Variants in AFG2A observed in about 807,000 individuals in gnomAD.
AFG2A encodes the protein ATPase family gene 2 protein homolog A.
chr4:123,300,240 G>T, the AFG2A span, among the ~76,000 whole-genome samples: 1 of 152,134 alleles, frequency 6.6e-6, no homozygotes, highest in Non-Finnish European at 1.5e-5. Flanking sequence ...GGGTATTTTG[G>T]TTAAGGTTTT....
At chr4:123,118,202 C>A in the AFG2A span, among the ~76,000 whole-genome samples, 4 of 149,616 alleles carry the variant, frequency 2.7e-5, no homozygotes, top group Non-Finnish European at 4.5e-5. Flanking sequence ...CCCAACCTTT[C>A]CACCTTACTT....
At chr4:123,122,669 T>G in the AFG2A span, among the ~76,000 whole-genome samples, 2 of 152,180 alleles carry the variant, frequency 1.3e-5, no homozygotes, top group African/African-American at 4.8e-5. Context: ...GACAGTGTAT[T>G]GATAAACTGT....
At chr4:123,256,751 G>A in the AFG2A span, 6 of 985,244 alleles carry the variant, frequency 6.1e-6, no homozygotes, top group Non-Finnish European at 7.2e-6. Context: ...CTCTTGACAA[G>A]AACAGCAAGA....
chr4:123,041,175 A>G, the AFG2A span, among the ~76,000 whole-genome samples: 1 of 151,644 alleles, frequency 6.6e-6, no homozygotes, highest in East Asian at 1.9e-4. Flanking sequence ...CAGTGGTGCA[A>G]TCTCAGCTCA....
At chr4:123,309,773 G>C in the AFG2A span, among the ~76,000 whole-genome samples, 2 of 152,196 alleles carry the variant, frequency 1.3e-5, no homozygotes, top group African/African-American at 4.8e-5. Flanking sequence ...TGTTCAACCA[G>C]TAAGTAGAAT....
chr4:123,277,128 C>T, the AFG2A span, among the ~76,000 whole-genome samples: 1 of 151,932 alleles, frequency 6.6e-6, no homozygotes, highest in Non-Finnish European at 1.5e-5. Context: ...GGAATGTTTT[C>T]TATTTTTGTG....
the AFG2A span, among the ~76,000 whole-genome samples, chr4:122,981,486 G>T: frequency 7.1e-6 from 1 of 140,394 alleles, no homozygotes. Context: ...TTTTGCTTGA[G>T]ATTACTTTGA....
the AFG2A span, among the ~76,000 whole-genome samples, chr4:123,180,190 A>C: frequency 6.6e-6 from 1 of 152,214 alleles, no homozygotes; most frequent in Admixed American, 6.5e-5. Flanking sequence ...ACTGCACTCC[A>C]GCCTGGGCGA....
the AFG2A span, among the ~76,000 whole-genome samples, chr4:123,024,227 C>CAAAAAAAAAAAAAAA: frequency 8.1e-6 from 1 of 123,666 alleles, no homozygotes. Context: ...AGACTATAAG[C>CAAAAAAAAAAAAAAA]AAAAAAAAAA....
At chr4:123,181,733 C>A in the AFG2A span, among the ~76,000 whole-genome samples, 1 of 152,158 alleles carries the variant, frequency 6.6e-6, no homozygotes, top group Non-Finnish European at 1.5e-5. Flanking sequence ...TCAAGTTCTG[C>A]CCCAAACTAA....
chr4:122,978,469 G>A, the AFG2A span, among the ~76,000 whole-genome samples: 1 of 152,324 alleles, frequency 6.6e-6, no homozygotes, highest in South Asian at 2.1e-4. Context: ...GTCCATGGGT[G>A]GCCATGGGCA....
the AFG2A span, among the ~76,000 whole-genome samples, chr4:123,097,806 C>T: frequency 3.3e-5 from 5 of 152,146 alleles, no homozygotes; most frequent in African/African-American, 9.7e-5. Context: ...AAGATAAAGA[C>T]GCTTTATCTC....
At chr4:123,071,530 G>T in the AFG2A span, among the ~76,000 whole-genome samples, 3 of 151,632 alleles carry the variant, frequency 2.0e-5, no homozygotes, top group Admixed American at 2.0e-4. Flanking sequence ...TTCTGTGTTT[G>T]AATCAAAACT....
chr4:123,305,341 C>T, the AFG2A span, among the ~76,000 whole-genome samples: 612 of 152,306 alleles, frequency 4.0e-3, 3 homozygotes, highest in Non-Finnish European at 5.7e-3. Flanking sequence ...TCCCCTACTC[C>T]TCAGGCGCAC....
chr4:123,236,841 G>A, the AFG2A span, among the ~76,000 whole-genome samples: 2 of 152,218 alleles, frequency 1.3e-5, no homozygotes, highest in African/African-American at 2.4e-5. Flanking sequence ...TGGGGAACAA[G>A]ATTCTTCTAG....
the AFG2A span, among the ~76,000 whole-genome samples, chr4:123,024,665 G>A: frequency 6.6e-6 from 1 of 152,216 alleles, no homozygotes; most frequent in Non-Finnish European, 1.5e-5. Flanking sequence ...TCTGGCTTTA[G>A]CCTTAACCCC....
At chr4:123,225,567 T>C in the AFG2A span, among the ~76,000 whole-genome samples, 2 of 152,220 alleles carry the variant, frequency 1.3e-5, no homozygotes, top group African/African-American at 4.8e-5. Flanking sequence ...TCCATTGGTC[T>C]ATATCTCTGT....
At chr4:123,011,139 G>C in the AFG2A span, among the ~76,000 whole-genome samples, 3 of 152,132 alleles carry the variant, frequency 2.0e-5, no homozygotes, top group Non-Finnish European at 4.4e-5. Context: ...TCTTCCCCAT[G>C]GGGGAGCTTA....
At chr4:123,313,169 C>T in the AFG2A span, among the ~76,000 whole-genome samples, 1 of 152,174 alleles carries the variant, frequency 6.6e-6, no homozygotes, top group Non-Finnish European at 1.5e-5. Flanking sequence ...AACCTTCCTC[C>T]CCTTCCGTTT....
Sources: allele counts gnomAD v4.1 joint callset (sites outside exome capture counted in the v4.1 genomes callset), GRCh38; gene constraint gnomAD v4.1.1; transcripts MANE v1.5; gene names NCBI Gene and HGNC (gene_info 2026-07-23, HGNC 2026-07-21).